FGF2: variants seen among roughly 807,000 people sequenced by gnomAD.
FGF2 encodes the protein basic fibroblast growth factor bFGF.
A neutral mutation model predicts 15.9 loss-of-function variants in FGF2; 13 were observed. The ratio of observed to expected loss-of-function variants is 0.82; its 90% CI spans 0.53 to 1.30. The LOEUF (loss-of-function observed/expected upper bound fraction) is 1.30. Among genes scored for constraint, FGF2 ranks in the 50% most tolerant of loss-of-function variants. The pLI is 0.00. For missense variants in FGF2, 163 were observed against 196.9 expected, an observed-to-expected ratio of 0.83 and a Z score of 1.03; for synonymous variants, 90 against 78.4, an observed-to-expected ratio of 1.15 and a Z score of -0.78.
intron 1 of FGF2, among the ~76,000 whole-genome samples, chr4:122,866,715 AT>A (rs1726602691): frequency 6.6e-6 from 1 of 152,246 alleles, no homozygotes; most frequent in South Asian, 2.1e-4. Context: ...ATGTGGAATA[AT>A]TGGAACTCTC....
chr4:122,878,370 T>C (rs1726898248), intron 2 of FGF2, among the ~76,000 whole-genome samples: 1 of 152,154 alleles, frequency 6.6e-6, no homozygotes, highest in African/African-American at 2.4e-5. Context: ...GATGAAGGTA[T>C]AGATAACTCT....
chr4:122,848,448 G>A (rs545270966), intron 1 of FGF2, among the ~76,000 whole-genome samples: 10 of 152,196 alleles, frequency 6.6e-5, no homozygotes, highest in Non-Finnish European at 1.5e-4. Context: ...CACAGTGATC[G>A]TGATGTGGAG....
At chr4:122,834,885 A>G (rs201787604) in intron 1 of FGF2, among the ~76,000 whole-genome samples, 1 of 152,180 alleles carries the variant, frequency 6.6e-6, no homozygotes, top group Non-Finnish European at 1.5e-5. Context: ...ATAGATTGCC[A>G]CTAGTGCACC....
chr4:122,880,019 C>T (rs904296618), intron 2 of FGF2, among the ~76,000 whole-genome samples: 1 of 152,194 alleles, frequency 6.6e-6, no homozygotes, highest in Non-Finnish European at 1.5e-5. Flanking sequence ...AAAGTCGTAA[C>T]TCATTTCAGC....
chr4:122,833,253 C>T (rs1725800855), intron 1 of FGF2, among the ~76,000 whole-genome samples: 1 of 151,808 alleles, frequency 6.6e-6, no homozygotes, highest in African/African-American at 2.4e-5. Flanking sequence ...AATTTAACCT[C>T]TAAGATGAAT....
intron 1 of FGF2, among the ~76,000 whole-genome samples, chr4:122,839,601 C>G (rs1247537633): frequency 6.6e-6 from 1 of 152,200 alleles, no homozygotes; most frequent in African/African-American, 2.4e-5. Flanking sequence ...AATGGTATCA[C>G]CATCTTCCTT....
At chr4:122,878,706 C>G (rs547373984) in intron 2 of FGF2, among the ~76,000 whole-genome samples, 2 of 152,242 alleles carry the variant, frequency 1.3e-5, no homozygotes, top group East Asian at 3.9e-4. Flanking sequence ...GTTAGAAGGC[C>G]ACTGTAATAG....
intron 1 of FGF2, among the ~76,000 whole-genome samples, chr4:122,844,592 TTCCTTCCTTCCTTCCTTC>T (rs1726068681): frequency 2.4e-5 from 3 of 126,624 alleles, no homozygotes; most frequent in Middle Eastern, 4.9e-3. Context: ...TCTTTCTTCC[TTCCTTCCTTCCTTCCTTC>T]CTTCCTTTCT....
At chr4:122,885,946 T>G (rs1424659554) in intron 2 of FGF2, among the ~76,000 whole-genome samples, 1 of 145,684 alleles carries the variant, frequency 6.9e-6, no homozygotes, top group Non-Finnish European at 1.5e-5. Flanking sequence ...TGAGACAGGT[T>G]CTTGCTCTGT....
intron 1 of FGF2, among the ~76,000 whole-genome samples, chr4:122,873,665 T>C (rs1345460720): frequency 6.6e-6 from 1 of 152,228 alleles, no homozygotes; most frequent in Non-Finnish European, 1.5e-5. Flanking sequence ...TATGCATCTC[T>C]ATTTTGGGAA....
chr4:122,833,889 A>G (rs191436725), intron 1 of FGF2, among the ~76,000 whole-genome samples: 38 of 152,358 alleles, frequency 2.5e-4, no homozygotes, highest in Non-Finnish European at 4.7e-4. Flanking sequence ...TTCTTAGAAT[A>G]ATCTAGAGAA....
intron 1 of FGF2, among the ~76,000 whole-genome samples, chr4:122,852,791 T>C (rs1450185411): frequency 6.6e-6 from 1 of 152,188 alleles, no homozygotes; most frequent in Non-Finnish European, 1.5e-5. Context: ...TCCATCCTCA[T>C]GGCCACCATC....
At chr4:122,838,809 AT>A (rs1725917473) in intron 1 of FGF2, among the ~76,000 whole-genome samples, 2 of 152,166 alleles carry the variant, frequency 1.3e-5, no homozygotes, top group South Asian at 4.1e-4. Flanking sequence ...GCTTCTTAAG[AT>A]TTTTGAGTGG....
intron 1 of FGF2, among the ~76,000 whole-genome samples, chr4:122,858,598 G>C (rs766242574): frequency 2.2e-4 from 34 of 151,932 alleles, no homozygotes; most frequent in Non-Finnish European, 2.9e-4. Flanking sequence ...GGGTTTCATC[G>C]TGTTGCCCAG....
intron 2 of FGF2, among the ~76,000 whole-genome samples, chr4:122,877,123 T>TC (rs1726869081): frequency 6.6e-6 from 1 of 151,976 alleles, no homozygotes; most frequent in Non-Finnish European, 1.5e-5. Context: ...TTTCTTTTTT[T>TC]TTTTGAGATG....
At chr4:122,875,432 A>C (rs1177433508) in intron 1 of FGF2, among the ~76,000 whole-genome samples, 1 of 152,016 alleles carries the variant, frequency 6.6e-6, no homozygotes, top group African/African-American at 2.4e-5. Flanking sequence ...GCACACAAAA[A>C]AATAGACATC....
intron 1 of FGF2, among the ~76,000 whole-genome samples, chr4:122,837,277 A>G (rs945766270): frequency 3.3e-5 from 5 of 152,218 alleles, no homozygotes; most frequent in African/African-American, 1.2e-4. Flanking sequence ...CTGAATGACC[A>G]GTCTCATTCT....
Position 122,826,890 on chromosome 4 carries a change from G to A in FGF2, c.-285G>A, listed in dbSNP as rs1725642364. 3 of 1,524,932 alleles carry A rather than the reference G, an allele frequency of 2.0e-6. No homozygotes were observed. The highest frequency in any genetic ancestry group is 2.6e-6 in the Non-Finnish European group (3 of 1,139,696). The allele number at this position is 1,524,932 out of a possible 1,614,324, so 94.5% of individuals were successfully genotyped here. A position where few individuals can be genotyped will look rare whatever the true frequency, so the allele number is the denominator to read the frequency against. Reference sequence around the variant, plus strand: ...CGGGATCCCGGGCGCTGCAGCTTGGGAGGCGGCTCTCCCCAGGCGGCGTCC... The same window carrying A: ...CGGGATCCCGGGCGCTGCAGCTTGGAAGGCGGCTCTCCCCAGGCGGCGTCC... On this transcript the variant is annotated 5_prime_UTR_variant, in exon 1 of 3. Coordinates refer to ENST00000644866, the MANE Select transcript of FGF2 (RefSeq NM_001361665.2).
chr4:122,861,370 T>A (rs1034743212), intron 1 of FGF2, among the ~76,000 whole-genome samples: 1 of 152,242 alleles, frequency 6.6e-6, no homozygotes, highest in Non-Finnish European at 1.5e-5. Flanking sequence ...GGAACATATA[T>A]CATTGTCTTC....
Sources: allele counts gnomAD v4.1 joint callset (sites outside exome capture counted in the v4.1 genomes callset), GRCh38; gene constraint gnomAD v4.1.1; transcripts MANE v1.5; gene names NCBI Gene and HGNC (gene_info 2026-07-23, HGNC 2026-07-21).